CACNA2D3: variants seen among roughly 807,000 people sequenced by gnomAD.
CACNA2D3 encodes the protein voltage-dependent calcium channel subunit alpha-2/delta-3.
A neutral mutation model predicts 160.6 loss-of-function variants in CACNA2D3; 60 were observed. That is an observed-to-expected ratio of 0.37 (90% confidence interval 0.30 to 0.46). CACNA2D3 has a LOEUF of 0.46. Ranked by LOEUF, CACNA2D3 falls within the 20% of genes least tolerant of loss-of-function variation. CACNA2D3 has a pLI of 1.00. For synonymous variants in CACNA2D3, 558 were observed against 492.9 expected (o/e 1.13, Z -1.75); for missense variants, 1,205 against 1,365.0 (o/e 0.88, Z 1.85).
chr3:54,737,495 A>AT (rs572458980), intron 11 of CACNA2D3, among the ~76,000 whole-genome samples: 1 of 152,118 alleles, frequency 6.6e-6, no homozygotes, highest in Non-Finnish European at 1.5e-5. Flanking sequence ...TGTCAAAGGA[A>AT]TTTTTTACAA....
chr3:54,313,749 A>G (rs58950446), intron 2 of CACNA2D3, among the ~76,000 whole-genome samples: 6 of 56,944 alleles, frequency 1.1e-4, no homozygotes, highest in Non-Finnish European at 1.9e-4. Context: ...CTCCCACCCC[A>G]CCCCCAGCCT....
At position 54,460,091 on chromosome 3, in the gene CACNA2D3, C is replaced by T. The variant is rs1182198245; in HGVS notation, c.382-43401C>T. ...CAAAGATCAGATAGTTGTAGATATG[C>T]GGCATTATTTCTGAGGGCTCTGTTC... On this transcript the variant is annotated intron_variant, in intron 4 of 37. Coordinates refer to ENST00000474759, the MANE Select transcript of CACNA2D3 (RefSeq NM_018398.3). Among the ~76,000 whole-genome samples the T allele has an allele frequency of 2.2e-4, 33 of 151,322 alleles. 1 individual carries two copies. The South Asian group carries it at 4.2e-3, about 19-fold the overall frequency.
chr3:54,537,979 C>T (rs1432491371), intron 5 of CACNA2D3, among the ~76,000 whole-genome samples: 2 of 152,148 alleles, frequency 1.3e-5, no homozygotes, highest in African/African-American at 4.8e-5. Flanking sequence ...CACTGGGACC[C>T]TGGCTGTGTG....
intron 3 of CACNA2D3, among the ~76,000 whole-genome samples, chr3:54,364,015 G>A (rs1325246018): frequency 6.6e-6 from 1 of 152,182 alleles, no homozygotes; most frequent in Non-Finnish European, 1.5e-5. Context: ...GACTCGGTTA[G>A]ATGTCCACTT....
At chr3:54,234,392 C>G (rs1484377418) in intron 2 of CACNA2D3, among the ~76,000 whole-genome samples, 1 of 152,178 alleles carries the variant, frequency 6.6e-6, no homozygotes, top group Non-Finnish European at 1.5e-5. Flanking sequence ...AAAGGAAGCA[C>G]TTATACACTG....
intron 4 of CACNA2D3, among the ~76,000 whole-genome samples, chr3:54,400,977 A>T (rs541300530): frequency 6.6e-6 from 1 of 152,304 alleles, no homozygotes; most frequent in Non-Finnish European, 1.5e-5. Flanking sequence ...TTGAGATAAG[A>T]TAGGCAATTC....
chr3:54,424,578 A>G (rs1699885701), intron 4 of CACNA2D3, among the ~76,000 whole-genome samples: 1 of 152,174 alleles, frequency 6.6e-6, no homozygotes. Context: ...TCTGCTGAAT[A>G]ACTCTGTTTT....
At chr3:54,545,641 A>G (rs553270625) in intron 5 of CACNA2D3, among the ~76,000 whole-genome samples, 2 of 152,300 alleles carry the variant, frequency 1.3e-5, no homozygotes, top group Non-Finnish European at 2.9e-5. Context: ...AATGCCAACA[A>G]ATTTCTTGTA....
chr3:55,043,006 G>A (rs986774077), intron 35 of CACNA2D3, among the ~76,000 whole-genome samples: 3 of 152,106 alleles, frequency 2.0e-5, no homozygotes, highest in Non-Finnish European at 2.9e-5. Context: ...CCATTATCCA[G>A]TAGAAGGACA....
At chr3:54,582,989 T>A (rs1458309286) in intron 9 of CACNA2D3, among the ~76,000 whole-genome samples, 1 of 152,208 alleles carries the variant, frequency 6.6e-6, no homozygotes, top group Non-Finnish European at 1.5e-5. Flanking sequence ...CCAAGTACAC[T>A]GAAGTTCAAA....
At position 54,125,242 on chromosome 3, in the gene CACNA2D3, T is replaced by TACACACACACACAC. The variant is rs59950857; in HGVS notation, c.204+1667_204+1680dup. Reference sequence around the variant, plus strand: ...ATGTTTTTTTCTTTCTCTTTGAAGTTACACACACACACACACACACACACA... The same window carrying TACACACACACACAC: ...ATGTTTTTTTCTTTCTCTTTGAAGTTACACACACACACACACACACACACACACACACACACACA... On this transcript the variant is annotated intron_variant, in intron 2 of 37. Coordinates refer to ENST00000474759, the MANE Select transcript of CACNA2D3 (RefSeq NM_018398.3). Among the ~76,000 whole-genome samples, 1,143 of 148,026 alleles carry TACACACACACACAC rather than the reference T, an allele frequency of 7.7e-3. 12 individuals carry two copies. The highest frequency in any genetic ancestry group is 0.016 in the African/African-American group (642 of 39,860).
intron 3 of CACNA2D3, among the ~76,000 whole-genome samples, chr3:54,337,516 C>G (rs903610999): frequency 6.6e-6 from 1 of 152,174 alleles, no homozygotes. Context: ...TGCTTAAGTT[C>G]TGCTGTCTCT....
At chr3:54,839,115 G>A (rs766658923) in intron 16 of CACNA2D3, among the ~76,000 whole-genome samples, 11 of 152,104 alleles carry the variant, frequency 7.2e-5, no homozygotes, top group Admixed American at 2.0e-4. Flanking sequence ...ACAATTAGCC[G>A]GTCGTGATGG....
chr3:54,555,955 A>G (rs1483089537), intron 5 of CACNA2D3, among the ~76,000 whole-genome samples: 4 of 152,220 alleles, frequency 2.6e-5, no homozygotes, highest in African/African-American at 7.2e-5. Flanking sequence ...TTAGGAAAAT[A>G]TAACATGAAC....
chr3:54,158,437 G>A (rs904111604), intron 2 of CACNA2D3, among the ~76,000 whole-genome samples: 28 of 152,140 alleles, frequency 1.8e-4, no homozygotes, highest in Non-Finnish European at 2.9e-5. Flanking sequence ...AGTATGAGGT[G>A]GGCTTCCTGT....
At chr3:54,922,300 C>T (rs1339023789) in intron 27 of CACNA2D3, among the ~76,000 whole-genome samples, 1 of 151,748 alleles carries the variant, frequency 6.6e-6, no homozygotes, top group Non-Finnish European at 1.5e-5. Flanking sequence ...AGGTTGCTTC[C>T]AGTGCCCTAG....
At position 54,850,698 on chromosome 3, in the gene CACNA2D3, G is replaced by A. The variant is rs546704161; in HGVS notation, c.1626+4231G>A. ...CAAAGGAGGTTCCCTTTCAGCAGCT[G>A]CAGCAATGGCAGGGTTCCACAGAGG... On this transcript the variant is annotated intron_variant, in intron 17 of 37. Coordinates refer to ENST00000474759, the MANE Select transcript of CACNA2D3 (RefSeq NM_018398.3). Among the ~76,000 whole-genome samples the A allele has an allele frequency of 2.6e-5, 4 of 152,324 alleles. No individual in the cohort carries two copies. In the South Asian group the frequency reaches 8.3e-4, roughly 32 times the overall value.
chr3:54,427,662 A>G (rs773798739), intron 4 of CACNA2D3, among the ~76,000 whole-genome samples: 1 of 152,230 alleles, frequency 6.6e-6, no homozygotes, highest in Non-Finnish European at 1.5e-5. Flanking sequence ...GCTCCCTGCC[A>G]GTGCGGAGCG....
intron 17 of CACNA2D3, among the ~76,000 whole-genome samples, chr3:54,866,339 G>T (rs1000390736): frequency 2.0e-5 from 3 of 152,190 alleles, no homozygotes; most frequent in Admixed American, 6.5e-5. Context: ...GGTCCCTTGA[G>T]CCTTGGGGAG....
Sources: allele counts gnomAD v4.1 joint callset (sites outside exome capture counted in the v4.1 genomes callset), GRCh38; gene constraint gnomAD v4.1.1; transcripts MANE v1.5; gene names NCBI Gene and HGNC (gene_info 2026-07-23, HGNC 2026-07-21).